ATXN1: variants seen among roughly 807,000 people sequenced by gnomAD.
The protein encoded by ATXN1 is ataxin-1.
Under a neutral mutation model 56.4 loss-of-function variants are expected in ATXN1, and 8 were observed. The ratio of observed to expected loss-of-function variants is 0.14; its 90% confidence interval spans 0.08 to 0.26. ATXN1 has a LOEUF of 0.26. Ranked by LOEUF, ATXN1 falls within the 10% of genes least tolerant of loss-of-function variation. The probability of loss-of-function intolerance (pLI) is 1.00; values close to 1 mark genes in which losing one functional copy is unlikely to be tolerated. For synonymous variants in ATXN1, 514 were observed against 494.6 expected (o/e 1.04, Z -0.52); for missense variants, 987 against 1,106.5 (o/e 0.89, Z 1.53).
chr6:16,559,957 CAT>C (rs982429058), intron 4 of ATXN1, among the ~76,000 whole-genome samples: 10 of 152,140 alleles, frequency 6.6e-5, no homozygotes, highest in African/African-American at 1.9e-4. Flanking sequence ...TTCCTGTACA[CAT>C]GTCTGCACCG....
chr6:16,667,938 C>A (rs1447554334), intron 2 of ATXN1, among the ~76,000 whole-genome samples: 2 of 152,204 alleles, frequency 1.3e-5, no homozygotes, highest in African/African-American at 4.8e-5. Flanking sequence ...ACTCTTTCCC[C>A]AAAGTGCCTC....
At chr6:16,432,713 C>CTTTTTTTT (rs538208868) in intron 6 of ATXN1, 77 of 143,828 alleles carry the variant, frequency 5.4e-4, no homozygotes, top group African/African-American at 1.8e-3. Flanking sequence ...TCTTCTTCTT[C>CTTTTTTTT]TTTTTTTTTT....
At chr6:16,671,079 G>A (rs1361225260) in intron 2 of ATXN1, among the ~76,000 whole-genome samples, 3 of 147,012 alleles carry the variant, frequency 2.0e-5, no homozygotes. Flanking sequence ...TCCTTGCAAA[G>A]TTTTACATTT....
chr6:16,431,827 G>A (rs886823751), intron 6 of ATXN1, among the ~76,000 whole-genome samples: 6 of 152,160 alleles, frequency 3.9e-5, no homozygotes, highest in Non-Finnish European at 7.3e-5. Flanking sequence ...CAATACAGAC[G>A]ATGTATTAAA....
At chr6:16,325,118 G>GT (rs11326648) in intron 7 of ATXN1, among the ~76,000 whole-genome samples, 10,456 of 143,834 alleles carry the variant, frequency 0.073, 796 homozygotes, top group East Asian at 0.4. Flanking sequence ...CCTTCCATCT[G>GT]TTTTTTTTTT....
At chr6:16,619,321 A>G (rs1763276651) in intron 3 of ATXN1, among the ~76,000 whole-genome samples, 1 of 152,214 alleles carries the variant, frequency 6.6e-6, no homozygotes, top group Admixed American at 6.5e-5. Context: ...ATGTTGAAAA[A>G]AGATATATAT....
rs555085484 is a variant in ATXN1 at position 16,407,533 on chromosome 6, A to G, written c.-161+78439T>C. On this transcript the variant is annotated intron_variant, in intron 6 of 7. Coordinates refer to ENST00000436367, the MANE Select transcript of ATXN1 (RefSeq NM_001128164.2). Reference sequence around the variant, plus strand: ...TGCTGAAGCTGGTTTTACTCACAACATCTGGTTTGCTTATATAGCATATCA... The same window carrying G: ...TGCTGAAGCTGGTTTTACTCACAACGTCTGGTTTGCTTATATAGCATATCA... Among the ~76,000 whole-genome samples the G allele has an allele frequency of 1.7e-4, 26 of 152,336 alleles. No individual in the cohort carries two copies. The South Asian group carries it at 5.2e-3, about 30-fold the overall frequency.
Position 16,326,546 on chromosome 6 carries a change from T to G in ATXN1, c.1765A>C (p.Lys589Gln). 1 of 1,614,154 alleles carries G rather than the reference T, an allele frequency of 6.2e-7. No homozygotes were observed. Among genetic ancestry groups the G allele is most frequent in the Non-Finnish European group, 8.5e-7 (1 of 1,180,036 alleles). Residue 589 changes from lysine (K) to glutamine (Q), a missense_variant, in exon 7 of 8, where the codon AAG becomes CAG. Coordinates refer to ENST00000436367, the MANE Select transcript of ATXN1 (RefSeq NM_001128164.2). This position sits in a 1 kb window ranked among gnomAD's most constrained non-coding sequence, Gnocchi z 6.6. ...IIQLANGELKKVEDLKTEDFI... is the reference protein window; with the variant it reads ...IIQLANGELKQVEDLKTEDFI... The stretch of plus-strand genomic sequence containing the variant: ...TCTTCTGTTTTTAAGTCTTCCACCT[T>G]CTTTAGCTCCCCGTTGGCCAACTGG...
chr6:16,531,717 G>T (rs1247164151), intron 4 of ATXN1, among the ~76,000 whole-genome samples: 3 of 151,664 alleles, frequency 2.0e-5, no homozygotes, highest in Non-Finnish European at 2.9e-5. Flanking sequence ...GAAAGCCATT[G>T]CCCCAATCAA....
At chr6:16,606,147 C>T (rs994880393) in intron 3 of ATXN1, among the ~76,000 whole-genome samples, 1 of 138,946 alleles carries the variant, frequency 7.2e-6, no homozygotes, top group Non-Finnish European at 1.6e-5. Flanking sequence ...GACCCTGTCT[C>T]AAAAACAAAC....
intron 3 of ATXN1, among the ~76,000 whole-genome samples, chr6:16,642,894 T>C (rs1017930582): frequency 6.6e-6 from 1 of 152,248 alleles, no homozygotes; most frequent in Non-Finnish European, 1.5e-5. Flanking sequence ...ATAACTTATA[T>C]GCACTGGAAA....
In ATXN1 at chr6:16,327,909, T is replaced by C. The variant is rs1292040257; in HGVS notation, c.402A>G (p.Gln134=). 2 of 1,609,462 alleles carry C rather than the reference T, an allele frequency of 1.2e-6. No individual in the cohort carries two copies. The highest frequency in any genetic ancestry group is 1.7e-5 in the Admixed American group (1 of 60,024). Residue 134 remains glutamine, a synonymous_variant, in exon 7 of 8, where the codon CAA becomes CAG. Coordinates refer to ENST00000436367, the MANE Select transcript of ATXN1 (RefSeq NM_001128164.2). ...TGAAGCTGGCATAGGTTCCACTGTATTGGGAGGACCCAATGAACTGGAAGG... is the reference window on the plus strand; with the variant it reads ...TGAAGCTGGCATAGGTTCCACTGTACTGGGAGGACCCAATGAACTGGAAGG... ...PHTFQFIGSS[Q]YSGTYASFIP...
At chr6:16,471,940 G>A (rs879392772) in intron 6 of ATXN1, among the ~76,000 whole-genome samples, 1 of 152,150 alleles carries the variant, frequency 6.6e-6, no homozygotes, top group Non-Finnish European at 1.5e-5. Context: ...GTGTAGCTTT[G>A]AGAAAAGTTC....
chr6:16,617,766 CA>C lies in ATXN1; in HGVS notation c.-488-31860del, dbSNP rs397975811. Among the ~76,000 whole-genome samples, 108 of 89,464 alleles carry C rather than the reference CA, an allele frequency of 1.2e-3. 1 individual carries two copies. Among genetic ancestry groups the C allele is most frequent in the Non-Finnish European group, 1.0e-3 (47 of 46,056 alleles). The allele number at this position is 89,464 out of a possible 152,430, so 58.7% of individuals were successfully genotyped here. On this transcript the variant is annotated intron_variant, in intron 3 of 7. Transcript: ENST00000436367. ...TGGGCAATAGAGAGAAACTCTGTCTCAAAAAAAAAAAAAAAAGAAATATACT... is the reference window on the plus strand; with the variant it reads ...TGGGCAATAGAGAGAAACTCTGTCTCAAAAAAAAAAAAAAAGAAATATACT...
chr6:16,428,155 G>A (rs1360064123), intron 6 of ATXN1, among the ~76,000 whole-genome samples: 1 of 125,592 alleles, frequency 8.0e-6, no homozygotes, highest in South Asian at 2.7e-4. Context: ...TTTTGCTCTT[G>A]TCACCCAGGC....
At chr6:16,562,483 G>GAGGAGAGGAA (rs1256959043) in intron 4 of ATXN1, among the ~76,000 whole-genome samples, 6 of 83,168 alleles carry the variant, frequency 7.2e-5, no homozygotes, top group Non-Finnish European at 1.4e-4. Context: ...GAGGAGAGGA[G>GAGGAGAGGAA]AGGAAAGGAA....
rs12664028 is a variant in ATXN1 at position 16,544,823 on chromosome 6, C to T, written c.-360-22135G>A. ...CTTTTCTAAGGGAGGGAGGAGTTTTCGAAAGGACAAAATGGAAAGGAATTT... is the reference window on the plus strand; with the variant it reads ...CTTTTCTAAGGGAGGGAGGAGTTTTTGAAAGGACAAAATGGAAAGGAATTT... On this transcript the variant is annotated intron_variant, in intron 4 of 7. Coordinates refer to ENST00000436367, the MANE Select transcript of ATXN1 (RefSeq NM_001128164.2). Among the ~76,000 whole-genome samples, 828 of 152,002 alleles carry T rather than the reference C, an allele frequency of 5.4e-3. 29 individuals carry two copies. In the East Asian group the frequency reaches 0.11, roughly 20 times the overall value.
intron 6 of ATXN1, among the ~76,000 whole-genome samples, chr6:16,354,216 G>A (rs1018695283): frequency 1.3e-5 from 2 of 151,958 alleles, no homozygotes; most frequent in Non-Finnish European, 2.9e-5. Flanking sequence ...CTAAAACAGT[G>A]CCCTCCACAA....
At chr6:16,313,172 G>A (rs1329952988) in intron 7 of ATXN1, among the ~76,000 whole-genome samples, 1 of 152,166 alleles carries the variant, frequency 6.6e-6, no homozygotes, top group African/African-American at 2.4e-5. Flanking sequence ...GAGCTACCAT[G>A]CCTGGCCTGG....
Sources: allele counts gnomAD v4.1 joint callset (sites outside exome capture counted in the v4.1 genomes callset), GRCh38; gene constraint gnomAD v4.1.1; non-coding constraint Gnocchi (gnomAD v3.1); transcripts MANE v1.5; gene names NCBI Gene and HGNC (gene_info 2026-07-23, HGNC 2026-07-21).